Variants in ZFP69B observed in about 807,000 individuals in gnomAD.
ZFP69B encodes zinc finger protein 69 homolog B.
A neutral mutation model predicts 19.7 loss-of-function variants in ZFP69B; 20 were observed. The ratio of observed to expected loss-of-function variants is 1.02; its 90% CI spans 0.71 to 1.48. The LOEUF is 1.48. Among genes scored for constraint, ZFP69B ranks in the 40% most tolerant of loss-of-function variants. The pLI is 0.00. For synonymous variants in ZFP69B, 220 were observed against 222.7 expected (o/e 0.99, Z 0.11); for missense variants, 583 against 632.6 (o/e 0.92, Z 0.84).
rs532419816 is a variant in ZFP69B at position 40,458,208 on chromosome 1, G to A, written c.436+769G>A. 2.6e-5 allele frequency among the ~76,000 whole-genome samples: 4 copies of A among 152,314 alleles called. 1 individual carries two copies. In the South Asian group the frequency reaches 8.3e-4, roughly 32 times the overall value. On this transcript the variant is annotated intron_variant, in intron 4 of 4. Coordinates refer to ENST00000361584, the MANE Select transcript of ZFP69B (RefSeq NM_023070.3). ...TCTAGTCATTCTGACACCACAGTTT[G>A]TGTGTTCTTATGGCACTATTTTACA...
intron 4 of ZFP69B, among the ~76,000 whole-genome samples, 170 bp from the exon 5 acceptor site, chr1:40,462,251 C>G (rs1239933973): frequency 1.3e-5 from 2 of 152,124 alleles, no homozygotes; most frequent in African/African-American, 4.8e-5. Flanking sequence ...CTTCTTTTCT[C>G]TACTTCTTCA....
At chr1:40,453,482 G>GGA (rs1446229875) in intron 1 of ZFP69B, among the ~76,000 whole-genome samples, 1 of 152,150 alleles carries the variant, frequency 6.6e-6, no homozygotes, top group African/African-American at 2.4e-5. Context: ...GGGAAGCATA[G>GGA]GAGAGAATAA....
At chr1:40,454,147 T>C in intron 1 of ZFP69B, 56 bp from the exon 2 acceptor site, 2 of 1,410,658 alleles carry the variant, frequency 1.4e-6, no homozygotes, top group East Asian at 2.4e-5. Context: ...GTAGGCAGTT[T>C]CTCTGTTTGG....
At chr1:40,457,222 G>A in intron 3 of ZFP69B, 122 bp from the exon 4 acceptor site, 1 of 1,479,682 alleles carries the variant, frequency 6.8e-7, no homozygotes, top group Non-Finnish European at 9.3e-7. Flanking sequence ...GCTCTTTTCT[G>A]CTCTGTTCTT....
chr1:40,459,155 ACT>A (rs760686801), intron 4 of ZFP69B, among the ~76,000 whole-genome samples: 1 of 151,956 alleles, frequency 6.6e-6, no homozygotes, highest in African/African-American at 2.4e-5. Flanking sequence ...TAACCAGCAG[ACT>A]CTGCCACAAT....
rs1474556210 is a variant in ZFP69B at position 40,457,448 on chromosome 1, A to G, written c.436+9A>G. 3 of 1,612,466 alleles carry G rather than the reference A, an allele frequency of 1.9e-6. No homozygotes were observed. Among genetic ancestry groups the G allele is most frequent in the Non-Finnish European group, 2.5e-6 (3 of 1,178,546 alleles). On this transcript the variant is annotated intron_variant, in intron 4 of 4. Transcript: ENST00000361584. ...AGGAGTTCCAAGTTCAGGTAAGTGCAAGGCAGGTGGGGCCTTTGTGATGTT... is the reference window on the plus strand; with the variant it reads ...AGGAGTTCCAAGTTCAGGTAAGTGCGAGGCAGGTGGGGCCTTTGTGATGTT...
chr1:40,463,594 T>C lies in ZFP69B; in HGVS notation c.*5T>C, dbSNP rs1645314441. The C allele has an allele frequency of 1.9e-6, 3 of 1,577,698 alleles. No homozygotes were observed. The highest frequency in any genetic ancestry group is 1.7e-4 in the Middle Eastern group (1 of 5,882). ...ACCTTCAGCAATGTTGTGTGAAATATACTAAACATCAAAGAATCTATGTTG... is the reference window on the plus strand; with the variant it reads ...ACCTTCAGCAATGTTGTGTGAAATACACTAAACATCAAAGAATCTATGTTG... On this transcript the variant is annotated 3_prime_UTR_variant, in exon 5 of 5. Transcript: ENST00000361584.
chr1:40,459,228 T>C (rs775635293), intron 4 of ZFP69B, among the ~76,000 whole-genome samples: 2 of 152,370 alleles, frequency 1.3e-5, no homozygotes, highest in Admixed American at 6.5e-5. Flanking sequence ...CTCCCACAGA[T>C]GTTTTGTGAT....
At chr1:40,451,165 A>C (rs891508126) in intron 1 of ZFP69B, 77 bp downstream of exon 1, 39 of 1,414,938 alleles carry the variant, frequency 2.8e-5, no homozygotes, top group Admixed American at 2.8e-5. Context: ...ACTTGAGTGG[A>C]AGCATCTCTT....
chr1:40,454,141 G>T, intron 1 of ZFP69B, 62 bp from the exon 2 acceptor site: 1 of 1,346,732 alleles, frequency 7.4e-7, no homozygotes, highest in Admixed American at 2.1e-5. Context: ...GGGTCTGTAG[G>T]CAGTTTCTCT....
At chr1:40,451,662 G>GGGC (rs1553125246) in intron 1 of ZFP69B, among the ~76,000 whole-genome samples, 6 of 143,904 alleles carry the variant, frequency 4.2e-5, no homozygotes, top group Admixed American at 1.4e-4. Context: ...GTGGGGGGGG[G>GGGC]GGAATTCATT....
chr1:40,461,101 G>A (rs900308050), intron 4 of ZFP69B, among the ~76,000 whole-genome samples: 13 of 135,324 alleles, frequency 9.6e-5, no homozygotes, highest in South Asian at 6.8e-4. Context: ...AGTCAAGATC[G>A]CCCCACTCCA....
chr1:40,450,761 C>T lies in ZFP69B; in HGVS notation c.-201C>T. ...ATACGCCCTGAGAGCCGATGATAGACACAAGTCCAGATCTCGGATTTTGAT... is the reference window on the plus strand; with the variant it reads ...ATACGCCCTGAGAGCCGATGATAGATACAAGTCCAGATCTCGGATTTTGAT... On this transcript the variant is annotated 5_prime_UTR_variant, in exon 1 of 5. Transcript: ENST00000361584. 2.3e-6 allele frequency: 1 copy of T among 431,380 alleles called. No individual in the cohort carries two copies. The highest frequency in any genetic ancestry group is 3.7e-6 in the Non-Finnish European group (1 of 267,226). The allele number at this position is 431,380 out of a possible 1,614,324, so 26.7% of individuals were successfully genotyped here. A position where few individuals can be genotyped will look rare whatever the true frequency, so the allele number is the denominator to read the frequency against.
chr1:40,457,029 C>A lies in ZFP69B; in HGVS notation c.298C>A (p.Arg100=), dbSNP rs368207124. ...QLAPAHRNLY[R]EVMLENYGNL... is the part of the protein sequence containing the mutation. ...GGCCCCTGCTCACCGGAATCTGTAC[C>A]GGGAGGTGATGCTGGAGAACTATGG... Residue 100 remains arginine, a synonymous_variant, in exon 3 of 5, where the codon CGG becomes AGG. Transcript: ENST00000361584. 2.5e-6 allele frequency: 4 copies of A among 1,612,046 alleles called. No individual in the cohort carries two copies. In the East Asian group the frequency reaches 8.9e-5, roughly 36 times the overall value.
chr1:40,462,066 G>T (rs183428468), intron 4 of ZFP69B, among the ~76,000 whole-genome samples: 2,637 of 109,108 alleles, frequency 0.024, 42 homozygotes, highest in Non-Finnish European at 0.028. Flanking sequence ...TGGTTTTTTT[G>T]TTTGTTTGTT....
intron 2 of ZFP69B, among the ~76,000 whole-genome samples, chr1:40,455,449 A>G (rs1457733926): frequency 1.3e-5 from 2 of 152,220 alleles, no homozygotes; most frequent in African/African-American, 2.4e-5. Flanking sequence ...TGTGGATGCT[A>G]ACATCAGCCT....
In ZFP69B at chr1:40,454,242, G is replaced by GT; in HGVS notation, c.170dup (p.Leu57PhefsTer4). ...GATGCTGATGAGACCCAGGGCGAAA[G>GT]TTTAGAGAGTAGAGTGACCCTTGGA... is the stretch of plus-strand genomic sequence containing the variant. On this transcript the variant is annotated frameshift_variant, in exon 2 of 5. Transcript: ENST00000361584. LOFTEE classifies it high-confidence loss of function. 6.2e-7 allele frequency: 1 copy of GT among 1,606,222 alleles called. No individual in the cohort carries two copies. Among genetic ancestry groups the GT allele is most frequent in the Non-Finnish European group, 8.5e-7 (1 of 1,175,546 alleles).
In ZFP69B at chr1:40,463,054, A is replaced by G. The variant is rs781223132; in HGVS notation, c.1070A>G (p.His357Arg). ...PSSLTQHVRI[H>R]TGEKPYECRV... is the part of the protein sequence containing the mutation. ...TCGCTTACTCAACATGTTAGAATTC[A>G]TACCGGGGAAAAGCCCTATGAATGT... Residue 357 changes from histidine to arginine, a missense_variant, in exon 5 of 5, where the codon CAT becomes CGT. Physicochemically the swap from His to Arg is conservative, Grantham distance 29. Coordinates refer to ENST00000361584, the MANE Select transcript of ZFP69B (RefSeq NM_023070.3). 5.6e-6 allele frequency: 9 copies of G among 1,613,990 alleles called. No individual in the cohort carries two copies. Among genetic ancestry groups the G allele is most frequent in the South Asian group, 4.4e-5 (4 of 91,086 alleles).
intron 2 of ZFP69B, 56 bp from the exon 3 acceptor site, chr1:40,456,889 A>G (rs1204934146): frequency 1.3e-6 from 2 of 1,569,066 alleles, no homozygotes; most frequent in Non-Finnish European, 1.7e-6. Flanking sequence ...CATCTAGACA[A>G]AAGTCAGAAC....
Sources: gnomAD v4.1 joint callset for allele counts (sites outside exome capture counted in the v4.1 genomes callset) on GRCh38, gnomAD v4.1.1 for gene constraint, MANE v1.5 for transcripts, NCBI Gene and HGNC (gene_info 2026-07-23, HGNC 2026-07-21) for gene names.